Variants in ARHGAP15 observed in about 807,000 individuals in gnomAD.
The protein encoded by ARHGAP15 is Rho GTPase activating protein 15, also known as rho GTPase-activating protein 15.
ARHGAP15 carries 51 observed loss-of-function variants against 63.7 expected under a neutral mutation model. That is an observed-to-expected ratio of 0.80 (90% CI 0.64 to 1.01). The LOEUF is 1.01. ARHGAP15 is among the 50% of genes least tolerant of loss of function. ARHGAP15 has a pLI of 0.00. For missense variants in ARHGAP15, 560 were observed against 564.6 expected (o/e 0.99, Z 0.08); for synonymous variants, 191 against 193.8 (o/e 0.99, Z 0.12).
At chr2:143,763,698 G>GCAAAT (rs1686846971) in intron 13 of ARHGAP15, among the ~76,000 whole-genome samples, 3 of 128,580 alleles carry the variant, frequency 2.3e-5, no homozygotes, top group African/African-American at 2.9e-5. Flanking sequence ...GTATATGTAT[G>GCAAAT]TGTATGTATA....
chr2:143,274,177 T>C (rs960678621), intron 6 of ARHGAP15, among the ~76,000 whole-genome samples: 16 of 152,198 alleles, frequency 1.1e-4, no homozygotes, highest in Non-Finnish European at 2.4e-4. Context: ...ACTTTGCAGC[T>C]TCGAGGAAAA....
chr2:143,446,938 T>A (rs561020135), intron 8 of ARHGAP15, among the ~76,000 whole-genome samples: 1 of 152,164 alleles, frequency 6.6e-6, no homozygotes, highest in African/African-American at 2.4e-5. Context: ...TTCATCCATG[T>A]CCCTACAAAG....
chr2:143,218,891 G>A (rs558927367), intron 4 of ARHGAP15, among the ~76,000 whole-genome samples: 3 of 152,176 alleles, frequency 2.0e-5, no homozygotes, highest in East Asian at 1.9e-4. Flanking sequence ...ACATGGAAAC[G>A]ATAATGCATT....
At position 143,191,942 on chromosome 2, in the gene ARHGAP15, T is replaced by C. The variant is rs536173465; in HGVS notation, c.166-10192T>C. 1.6e-4 allele frequency among the ~76,000 whole-genome samples: 24 copies of C among 152,348 alleles called. 1 individual carries two copies. In the South Asian group the frequency reaches 5.0e-3, roughly 32 times the overall value. On this transcript the variant is annotated intron_variant, in intron 2 of 13. Coordinates refer to ENST00000295095, the MANE Select transcript of ARHGAP15 (RefSeq NM_018460.4). ...GAAAAAAATGGCAGACTTTCTCTTA[T>C]AAACCGTATGTTCTTACATTTCTGA...
intron 3 of ARHGAP15, among the ~76,000 whole-genome samples, chr2:143,214,440 T>C (rs1574100976): frequency 1.3e-5 from 2 of 152,292 alleles, no homozygotes; most frequent in African/African-American, 2.4e-5. Context: ...AAATTTATTA[T>C]ATGGGTTTTA....
intron 13 of ARHGAP15, among the ~76,000 whole-genome samples, chr2:143,752,212 A>G (rs545862330): frequency 1.3e-5 from 2 of 152,236 alleles, no homozygotes; most frequent in Admixed American, 6.5e-5. Flanking sequence ...CCCCATTACA[A>G]TCAGTGAGCC....
chr2:143,149,595 C>G (rs1256328265), intron 1 of ARHGAP15, among the ~76,000 whole-genome samples: 1 of 151,750 alleles, frequency 6.6e-6, no homozygotes, highest in Non-Finnish European at 1.5e-5. Context: ...ATTTTTAACC[C>G]TAAAATATTA....
At chr2:143,246,492 G>A (rs1012332250) in intron 5 of ARHGAP15, among the ~76,000 whole-genome samples, 1 of 151,952 alleles carries the variant, frequency 6.6e-6, no homozygotes, top group Non-Finnish European at 1.5e-5. Flanking sequence ...AGAAGAGAAA[G>A]TGACTAGGAA....
chr2:143,641,899 A>ATCTTG lies in ARHGAP15; in HGVS notation c.1138+17632_1138+17633insTCTTG, dbSNP rs531410318. 9.2e-5 allele frequency among the ~76,000 whole-genome samples: 14 copies of ATCTTG among 152,262 alleles called. No individual in the cohort carries two copies. The South Asian group carries it at 2.9e-3, about 32-fold the overall frequency. On this transcript the variant is annotated intron_variant, in intron 12 of 13. Coordinates refer to ENST00000295095, the MANE Select transcript of ARHGAP15 (RefSeq NM_018460.4). ...TTCAGAGATATGCACCAGGATGTAT[A>ATCTTG]CAAACTTGCCCCTCAAAACGTTACT...
chr2:143,474,404 T>TA (rs1691719327), intron 8 of ARHGAP15, among the ~76,000 whole-genome samples: 1 of 152,184 alleles, frequency 6.6e-6, no homozygotes, highest in Admixed American at 6.5e-5. Flanking sequence ...GCCCAATTCT[T>TA]AAAAAATGTA....
intron 11 of ARHGAP15, among the ~76,000 whole-genome samples, chr2:143,577,600 TA>T (rs1238593972): frequency 4.6e-5 from 7 of 152,148 alleles, no homozygotes; most frequent in Non-Finnish European, 5.9e-5. Context: ...TGCATGGTTG[TA>T]AAATGACCAC....
chr2:143,226,984 T>C (rs956944583), intron 4 of ARHGAP15, among the ~76,000 whole-genome samples: 7 of 152,170 alleles, frequency 4.6e-5, no homozygotes, highest in African/African-American at 1.7e-4. Flanking sequence ...AAAAAGTATT[T>C]TGGTGTGGTT....
chr2:143,749,246 C>T (rs1436601178), intron 13 of ARHGAP15, among the ~76,000 whole-genome samples: 1 of 152,174 alleles, frequency 6.6e-6, no homozygotes, highest in Non-Finnish European at 1.5e-5. Flanking sequence ...GATGAGTCCA[C>T]CAGCTAACAC....
At chr2:143,635,899 T>C (rs925690892) in intron 12 of ARHGAP15, among the ~76,000 whole-genome samples, 1 of 152,168 alleles carries the variant, frequency 6.6e-6, no homozygotes, top group African/African-American at 2.4e-5. Flanking sequence ...GTGTTTTCTT[T>C]TCATTGGCTT....
At chr2:143,297,675 G>A (rs1041847963) in intron 6 of ARHGAP15, among the ~76,000 whole-genome samples, 11 of 151,912 alleles carry the variant, frequency 7.2e-5, no homozygotes, top group African/African-American at 2.2e-4. Flanking sequence ...TTACTCACAA[G>A]CACTATAGGA....
chr2:143,738,680 ATTTTTACTTG>A (rs1052495210), intron 13 of ARHGAP15, among the ~76,000 whole-genome samples: 1 of 152,178 alleles, frequency 6.6e-6, no homozygotes, highest in Non-Finnish European at 1.5e-5. Context: ...CAAAAGCATC[ATTTTTACTTG>A]TTTCTATTTC....
At chr2:143,462,567 A>G (rs370630163) in intron 8 of ARHGAP15, among the ~76,000 whole-genome samples, 13 of 152,334 alleles carry the variant, frequency 8.5e-5, no homozygotes, top group African/African-American at 3.1e-4. Flanking sequence ...TAAACAAAAT[A>G]GATGAGCGTC....
At chr2:143,623,254 A>T (rs888723697) in intron 11 of ARHGAP15, among the ~76,000 whole-genome samples, 4 of 152,220 alleles carry the variant, frequency 2.6e-5, no homozygotes, top group African/African-American at 9.6e-5. Flanking sequence ...CTAATTCCAG[A>T]CATTCATATT....
At chr2:143,420,478 C>T (rs1006134498) in intron 6 of ARHGAP15, among the ~76,000 whole-genome samples, 2 of 152,182 alleles carry the variant, frequency 1.3e-5, no homozygotes, top group African/African-American at 2.4e-5. Context: ...ATTACAAAAA[C>T]ACTCTACTCC....
Sources: gnomAD v4.1 joint callset for allele counts (sites outside exome capture counted in the v4.1 genomes callset) on GRCh38, gnomAD v4.1.1 for gene constraint, MANE v1.5 for transcripts, NCBI Gene and HGNC (gene_info 2026-07-23, HGNC 2026-07-21) for gene names.